CLSTN2: variants seen among roughly 807,000 people sequenced by gnomAD.
CLSTN2 encodes the protein calsyntenin 2.
CLSTN2 carries 48 observed loss-of-function variants against 101.2 expected under a neutral mutation model. That is an observed-to-expected ratio of 0.47 (90% CI 0.38 to 0.60). CLSTN2 has a LOEUF of 0.60. CLSTN2 is among the 20% of genes least tolerant of loss of function. CLSTN2 has a pLI of 0.00. For missense variants in CLSTN2, 1,160 were observed against 1,238.2 expected (o/e 0.94, Z 0.95); for synonymous variants, 481 against 463.6 (o/e 1.04, Z -0.48).
chr3:140,202,794 T>C (rs966790705), intron 2 of CLSTN2, among the ~76,000 whole-genome samples: 1 of 152,094 alleles, frequency 6.6e-6, no homozygotes, highest in Non-Finnish European at 1.5e-5. Context: ...AAAGACAGTA[T>C]AGAAGGAGCG....
chr3:140,017,833 G>T (rs966605676), intron 1 of CLSTN2, among the ~76,000 whole-genome samples: 2 of 152,258 alleles, frequency 1.3e-5, no homozygotes, highest in African/African-American at 4.8e-5. Context: ...CTGCAAATGT[G>T]TAGGCCAGTG....
intron 8 of CLSTN2, among the ~76,000 whole-genome samples, chr3:140,516,420 T>G (rs1159519033): frequency 2.0e-5 from 3 of 152,318 alleles, no homozygotes; most frequent in South Asian, 4.1e-4. Context: ...GTTTTTTGTT[T>G]TATAGATTCT....
chr3:139,939,358 G>A (rs1187206071), intron 1 of CLSTN2, among the ~76,000 whole-genome samples: 1 of 152,154 alleles, frequency 6.6e-6, no homozygotes, highest in Non-Finnish European at 1.5e-5. Flanking sequence ...AAATGAACTT[G>A]CCAAGACCTC....
intron 6 of CLSTN2, chr3:140,454,235 T>C (rs899817234): frequency 1.3e-5 from 2 of 152,190 alleles, no homozygotes; most frequent in African/African-American, 4.8e-5. Context: ...TGGCCCACTA[T>C]GTTGGGGAGG....
chr3:140,294,930 G>A lies in CLSTN2; in HGVS notation c.233-108699G>A, dbSNP rs541645305. ...GAGCTCACTTGGGTTTCTCCTAAAAGGGCACAAATTCCATTCACAACGGTT... is the reference window on the plus strand; with the variant it reads ...GAGCTCACTTGGGTTTCTCCTAAAAAGGCACAAATTCCATTCACAACGGTT... On this transcript the variant is annotated intron_variant, in intron 2 of 16. Transcript: ENST00000458420. 2.0e-4 allele frequency among the ~76,000 whole-genome samples: 30 copies of A among 152,252 alleles called. 2 individuals carry two copies. In the South Asian group the frequency reaches 6.2e-3, roughly 32 times the overall value.
intron 1 of CLSTN2, among the ~76,000 whole-genome samples, chr3:140,123,464 A>G (rs1261915535): frequency 1.3e-5 from 2 of 152,130 alleles, no homozygotes; most frequent in Admixed American, 1.3e-4. Flanking sequence ...CTCAGACAGT[A>G]AACCTCCCTG....
chr3:139,987,031 TA>T (rs11422011), intron 1 of CLSTN2, among the ~76,000 whole-genome samples: 3 of 151,738 alleles, frequency 2.0e-5, no homozygotes, highest in East Asian at 3.9e-4. Context: ...TTGATGCTGT[TA>T]AAAAAAAATT....
rs1553796149 is a variant in CLSTN2, at chr3:140,076,653, T to TC, written c.110-99296dup. On this transcript the variant is annotated intron_variant, in intron 1 of 16. Transcript: ENST00000458420. ...TTTTTTTTTTTTTTTTTTTTTTTTT[T>TC]CCTAGCCTTCGAGGCCCACCTTCTC... is the stretch of plus-strand genomic sequence containing the variant. Among the ~76,000 whole-genome samples the TC allele has an allele frequency of 8.4e-4, 90 of 107,694 alleles. 3 individuals carry two copies. Among genetic ancestry groups the TC allele is most frequent in the African/African-American group, 2.7e-3 (88 of 32,358 alleles). The allele number at this position is 107,694 out of a possible 152,430, so 70.7% of individuals were successfully genotyped here. A position where few individuals can be genotyped will look rare whatever the true frequency, so the allele number is the denominator to read the frequency against.
chr3:140,130,855 A>C (rs904675697), intron 1 of CLSTN2, among the ~76,000 whole-genome samples: 1 of 152,140 alleles, frequency 6.6e-6, no homozygotes, highest in African/African-American at 2.4e-5. Context: ...AATTCAGAGC[A>C]ATGCTTGGAC....
chr3:140,561,296 A>G (rs1366825462), intron 12 of CLSTN2, among the ~76,000 whole-genome samples: 1 of 152,162 alleles, frequency 6.6e-6, no homozygotes, highest in African/African-American at 2.4e-5. Flanking sequence ...TATTAGGATT[A>G]TATTTGCACA....
chr3:140,382,038 T>C (rs540451226), intron 2 of CLSTN2, among the ~76,000 whole-genome samples: 36 of 152,320 alleles, frequency 2.4e-4, no homozygotes, highest in Non-Finnish European at 2.6e-4. Flanking sequence ...CTCAAGGCCT[T>C]TGCGCTTGCT....
In CLSTN2 at chr3:140,419,482, C is replaced by CAAA. The variant is rs1169762724; in HGVS notation, c.638-1632_638-1630dup. ...TGGGTGACAGAGCCAGACTCTGTCT[C>CAAA]AAAAAAAAAAAAATATATATATATA... On this transcript the variant is annotated intron_variant, in intron 4 of 16. Coordinates refer to ENST00000458420, the MANE Select transcript of CLSTN2 (RefSeq NM_022131.3). 3.0e-4 allele frequency among the ~76,000 whole-genome samples: 6 copies of CAAA among 19,938 alleles called. No individual in the cohort carries two copies. In the African/African-American group the frequency reaches 3.8e-3, roughly 13 times the overall value. 13.1% of individuals were successfully genotyped at this position (19,938 alleles called of 152,430 possible).
chr3:139,994,796 C>T (rs1233371951), intron 1 of CLSTN2, among the ~76,000 whole-genome samples: 1 of 152,174 alleles, frequency 6.6e-6, no homozygotes, highest in Non-Finnish European at 1.5e-5. Context: ...TATACTATGC[C>T]TCATATACTG....
intron 2 of CLSTN2, among the ~76,000 whole-genome samples, chr3:140,248,229 T>C (rs1230087106): frequency 1.3e-5 from 2 of 152,114 alleles, no homozygotes; most frequent in African/African-American, 4.8e-5. Context: ...TAATAGGATA[T>C]AGGAAAAGCC....
chr3:139,969,786 C>G (rs1006203547), intron 1 of CLSTN2, among the ~76,000 whole-genome samples: 1 of 152,216 alleles, frequency 6.6e-6, no homozygotes, highest in Non-Finnish European at 1.5e-5. Context: ...TCTCCAAAAG[C>G]AACCATCACC....
chr3:139,980,255 C>T (rs536271700), intron 1 of CLSTN2, among the ~76,000 whole-genome samples: 22 of 152,242 alleles, frequency 1.4e-4, no homozygotes, highest in Non-Finnish European at 2.8e-4. Flanking sequence ...TCTGTCCCCA[C>T]CTTTCTCAGC....
At chr3:140,171,846 AATAT>A (rs1296082889) in intron 1 of CLSTN2, among the ~76,000 whole-genome samples, 2 of 115,220 alleles carry the variant, frequency 1.7e-5, no homozygotes, top group Non-Finnish European at 3.4e-5. Flanking sequence ...TATATAATAT[AATAT>A]ATATATTATA....
chr3:140,524,832 T>C (rs1935103396), intron 8 of CLSTN2, among the ~76,000 whole-genome samples: 1 of 152,092 alleles, frequency 6.6e-6, no homozygotes, highest in African/African-American at 2.4e-5. Flanking sequence ...TAAACAACTT[T>C]CTCCTGAATA....
At chr3:140,120,677 A>T (rs2350502) in intron 1 of CLSTN2, among the ~76,000 whole-genome samples, 44 of 151,974 alleles carry the variant, frequency 2.9e-4, no homozygotes, top group African/African-American at 1.0e-3. Flanking sequence ...GAGATCTTAG[A>T]GATGTTAGGA....
Sources: allele counts gnomAD v4.1 joint callset (sites outside exome capture counted in the v4.1 genomes callset), GRCh38; gene constraint gnomAD v4.1.1; transcripts MANE v1.5; gene names NCBI Gene and HGNC (gene_info 2026-07-23, HGNC 2026-07-21).